The following MAZ variants were observed in gnomAD, a reference collection of about 807,000 sequenced individuals.
The protein encoded by MAZ is MYC associated zinc finger protein.
MAZ carries 4 observed loss-of-function variants against 32.7 expected under a neutral mutation model. The ratio of observed to expected loss-of-function variants is 0.12; its 90% confidence interval spans 0.06 to 0.28. The LOEUF is 0.28. Among genes scored for constraint, MAZ ranks in the 10% least tolerant of loss-of-function variants. The probability of loss-of-function intolerance (pLI) is 1.00; values close to 1 mark genes in which losing one functional copy is unlikely to be tolerated. For missense variants in MAZ, 763 were observed against 667.2 expected (o/e 1.14, Z -1.58); for synonymous variants, 510 against 297.6 (o/e 1.71, Z -7.35).
chr16:29,807,091 T>C lies in MAZ; in HGVS notation c.306T>C (p.Ala102=), dbSNP rs766381022. Residue 102 remains alanine, a synonymous_variant, in exon 2 of 5, where the codon GCT becomes GCC. Coordinates refer to ENST00000322945, the MANE Select transcript of MAZ (RefSeq NM_002383.4). ...AQESAAAAAA[A]AAAAAAVAAA... ...AGTCCGCCGCGGCTGCTGCGGCCGC[T>C]GCCGCCGCTGCTGCCGCCGTCGCTG... The C allele has an allele frequency of 4.0e-6, 4 of 989,180 alleles. No homozygotes were observed. The highest frequency in any genetic ancestry group is 5.7e-5 in the Admixed American group (1 of 17,410). The allele number at this position is 989,180 out of a possible 1,614,324, so 61.3% of individuals were successfully genotyped here.
intron 4 of MAZ, chr16:29,809,400 G>C: frequency 3.1e-6 from 2 of 649,450 alleles, no homozygotes; most frequent in Non-Finnish European, 5.5e-6. Context: ...CAACAGAGCA[G>C]TTGGCCCCAG....
Position 29,807,541 on chromosome 16 carries a change from T to TGCCGGCGGCGGCGCTGCCGCAGTGGCC in MAZ, c.762_788dup (p.Gly256_Gly264dup). ...CCGGCGGGGGAGGGGGAGAGGCGGG[T>TGCCGGCGGCGGCGCTGCCGCAGTGGCC]GCCGGCGGCGGCGCTGCCGCAGTGG... On this transcript the variant is annotated inframe_insertion, in exon 2 of 5. Coordinates refer to ENST00000322945, the MANE Select transcript of MAZ (RefSeq NM_002383.4). The TGCCGGCGGCGGCGCTGCCGCAGTGGCC allele has an allele frequency of 6.3e-7, 1 of 1,575,580 alleles. No homozygotes were observed. Among genetic ancestry groups the TGCCGGCGGCGGCGCTGCCGCAGTGGCC allele is most frequent in the Non-Finnish European group, 8.6e-7 (1 of 1,166,416 alleles).
chr16:29,808,449 C>T (rs941643621), intron 3 of MAZ, 121 bp from the exon 4 acceptor site: 5 of 981,584 alleles, frequency 5.1e-6, no homozygotes, highest in Admixed American at 2.1e-5. Flanking sequence ...ATGTCACTCC[C>T]ATTTCCTACA....
Position 29,807,197 on chromosome 16 carries a change from C to T in MAZ, c.412C>T (p.Pro138Ser). 1 of 1,194,286 alleles carries T rather than the reference C, an allele frequency of 8.4e-7. No individual in the cohort carries two copies. The highest frequency in any genetic ancestry group is 1.1e-6 in the Non-Finnish European group (1 of 949,436). 74.0% of individuals were successfully genotyped at this position (1,194,286 alleles called of 1,614,324 possible). A position where few individuals can be genotyped will look rare whatever the true frequency, so the allele number is the denominator to read the frequency against. The change falls in exon 2 of 5, where the codon CCG becomes TCG. Residue 138 changes from proline to serine, a missense_variant. By Grantham distance (74) the Pro-to-Ser change is moderately conservative (BLOSUM62 -1). Transcript: ENST00000322945. ...KQPPAPPPPPPPVSAPAAEAA... is the reference protein window; with the variant it reads ...KQPPAPPPPPSPVSAPAAEAA... Reference sequence around the variant, plus strand: ...GCCTCCGGCGCCCCCTCCGCCACCCCCGCCAGTGTCGGCGCCCGCGGCCGA... The same window carrying T: ...GCCTCCGGCGCCCCCTCCGCCACCCTCGCCAGTGTCGGCGCCCGCGGCCGA...
chr16:29,810,023 C>T, intron 4 of MAZ, 54 bp from the exon 5 acceptor site: 1 of 1,568,702 alleles, frequency 6.4e-7, no homozygotes. Flanking sequence ...GGGGTGAGGG[C>T]AAGGCTCTTG....
chr16:29,808,677 T>C lies in MAZ; in HGVS notation c.1215T>C (p.Tyr405=). ...HVCGKMLSSA[Y]ISDHMKVHSQ... ...GTGGCAAGATGCTGAGCTCGGCTTA[T>C]ATTTCGGACCACATGAAGGTGCACA... The change falls in exon 4 of 5, where the codon TAT becomes TAC. Residue 405 remains tyrosine (Y), a synonymous_variant. Transcript: ENST00000322945. 5.0e-6 allele frequency: 8 copies of C among 1,613,982 alleles called. No homozygotes were observed. The highest frequency in any genetic ancestry group is 6.8e-6 in the Non-Finnish European group (8 of 1,179,998).
chr16:29,810,522 C>T lies in MAZ; in HGVS notation c.*291C>T, dbSNP rs991306903. ...AGGACACGAGCAGCCACTGCCCGTA[C>T]CCCCTCTCCTCTCTGTAAGCCCATG... On this transcript the variant is annotated 3_prime_UTR_variant, in exon 5 of 5. Coordinates refer to ENST00000322945, the MANE Select transcript of MAZ (RefSeq NM_002383.4). 5.4e-5 allele frequency: 38 copies of T among 701,518 alleles called. No homozygotes were observed. The highest frequency in any genetic ancestry group is 8.1e-5 in the Non-Finnish European group (31 of 384,740). The allele number at this position is 701,518 out of a possible 1,614,324, so 43.5% of individuals were successfully genotyped here.
intron 4 of MAZ, chr16:29,808,985 A>G (rs904818123): frequency 3.5e-5 from 20 of 566,190 alleles, no homozygotes; most frequent in Non-Finnish European, 5.9e-5. Flanking sequence ...GGAAAGCGGG[A>G]GTGGAACTTG....
Position 29,807,589 on chromosome 16 carries a change from G to T in MAZ, c.804G>T (p.Thr268=), listed in dbSNP as rs1291786303. ...TGGCCGCCGGTGGCGTGGTGACCAC[G>T]ACCGCCTCGGGGAAGCGCATCCGGA... ...AAVAAGGVVT[T]TASGKRIRKN... The change falls in exon 2 of 5, where the codon ACG becomes ACT. Residue 268 remains threonine (T), a synonymous_variant. Transcript: ENST00000322945. 2.5e-6 allele frequency: 4 copies of T among 1,610,704 alleles called. No individual in the cohort carries two copies. The highest frequency in any genetic ancestry group is 3.4e-6 in the Non-Finnish European group (4 of 1,179,196).
upstream of MAZ, chr16:29,806,207 C>T: frequency 2.8e-6 from 1 of 358,180 alleles, no homozygotes. Context: ...CCCGCCCCCA[C>T]CCCCCTGCCC....
At chr16:29,809,038 G>A (rs1899742039) in intron 4 of MAZ, 1 of 543,392 alleles carries the variant, frequency 1.8e-6, no homozygotes, top group African/African-American at 1.9e-5. Context: ...AGTTCCAGGG[G>A]TCACAAGGCA....
At position 29,807,776 on chromosome 16, in the gene MAZ, G is replaced by A; in HGVS notation, c.991G>A (p.Gly331Ser). ...GAGCTACCACGTGCGCTCACATGAC[G>A]GCGCTGTGCACAAGCCCTACAACTG... ...RMSYHVRSHD[G>S]AVHKPYNCSH... Residue 331 changes from glycine to serine, a missense_variant, in exon 2 of 5, where the codon GGC becomes AGC. Transcript: ENST00000322945. 1 of 1,612,102 alleles carries A rather than the reference G, an allele frequency of 6.2e-7. No homozygotes were observed. Among genetic ancestry groups the A allele is most frequent in the Non-Finnish European group, 8.5e-7 (1 of 1,179,942 alleles).
intron 4 of MAZ, chr16:29,809,522 C>CCA: frequency 6.4e-7 from 1 of 1,565,460 alleles, no homozygotes; most frequent in Non-Finnish European, 8.8e-7. Context: ...CGCCCCATCC[C>CCA]AATCCACCCC....
At chr16:29,809,013 G>A (rs1037660776) in intron 4 of MAZ, 1 of 553,678 alleles carries the variant, frequency 1.8e-6, no homozygotes, top group African/African-American at 1.9e-5. Flanking sequence ...TGGGGAAGGA[G>A]TAGTCAAGAA....
At chr16:29,808,061 G>GGCGGCA (rs766468645) in intron 2 of MAZ, 169 bp from the exon 3 acceptor site, 46 of 982,856 alleles carry the variant, frequency 4.7e-5, no homozygotes, top group East Asian at 3.1e-4. Flanking sequence ...AGGCGGCGGC[G>GGCGGCA]GCGGCAGCGG....
intron 2 of MAZ, 188 bp from the exon 3 acceptor site, chr16:29,808,042 C>T (rs1202948288): frequency 1.3e-5 from 14 of 1,057,720 alleles, no homozygotes; most frequent in African/African-American, 4.8e-5. Context: ...GGAAGCTTCG[C>T]GTGGGAGGAG....
chr16:29,807,797 A>C lies in MAZ; in HGVS notation c.1012A>C (p.Asn338His), dbSNP rs746373999. Residue 338 changes from asparagine (N) to histidine (H), a missense_variant, in exon 2 of 5, where the codon AAC becomes CAC. Coordinates refer to ENST00000322945, the MANE Select transcript of MAZ (RefSeq NM_002383.4). ...TGACGGCGCTGTGCACAAGCCCTACAACTGCTCCCACTGTGGCAAGAGCTT... is the reference window on the plus strand; with the variant it reads ...TGACGGCGCTGTGCACAAGCCCTACCACTGCTCCCACTGTGGCAAGAGCTT... The part of the protein sequence containing the change: ...SHDGAVHKPY[N>H]CSHCGKSFSR... 5.6e-6 allele frequency: 9 copies of C among 1,610,276 alleles called. No homozygotes were observed. In the East Asian group the frequency reaches 2.0e-4, roughly 36 times the overall value.
Position 29,807,228 on chromosome 16 carries a change from C to A in MAZ, c.443C>A (p.Ala148Glu). The change falls in exon 2 of 5, where the codon GCG becomes GAG. Residue 148 changes from alanine (A) to glutamate (E), a missense_variant. Transcript: ENST00000322945. Reference protein sequence around the residue: ...PPVSAPAAEAAPPASAATIAA... With the variant: ...PPVSAPAAEAEPPASAATIAA... Reference sequence around the variant, plus strand: ...GTGTCGGCGCCCGCGGCCGAGGCCGCGCCCCCCGCCTCCGCCGCCACTATC... The same window carrying A: ...GTGTCGGCGCCCGCGGCCGAGGCCGAGCCCCCCGCCTCCGCCGCCACTATC... 7.6e-7 allele frequency: 1 copy of A among 1,317,684 alleles called. No homozygotes were observed. Among genetic ancestry groups the A allele is most frequent in the Non-Finnish European group, 9.7e-7 (1 of 1,032,922 alleles). The allele number at this position is 1,317,684 out of a possible 1,614,324, so 81.6% of individuals were successfully genotyped here.
At chr16:29,809,032 C>T (rs897642177) in intron 4 of MAZ, 4 of 545,342 alleles carry the variant, frequency 7.3e-6, no homozygotes, top group Non-Finnish European at 1.3e-5. Flanking sequence ...AAAGCCAGTT[C>T]CAGGGGTCAC....
Sources: gnomAD v4.1 joint callset for allele counts on GRCh38, gnomAD v4.1.1 for gene constraint, MANE v1.5 for transcripts, NCBI Gene and HGNC (gene_info 2026-07-23, HGNC 2026-07-21) for gene names.